Variants in TRAM2 observed in about 807,000 individuals in gnomAD.
TRAM2 encodes translocating chain-associated membrane protein 2.
Under a neutral mutation model 51.0 loss-of-function variants are expected in TRAM2, and 12 were observed. The observed-to-expected ratio is 0.24, with a 90% CI of 0.15 to 0.38. TRAM2 has a LOEUF of 0.38. TRAM2 is among the 10% of genes least tolerant of loss of function. TRAM2 has a pLI of 1.00. For missense variants in TRAM2, 361 were observed against 462.0 expected (o/e 0.78, Z 2.00); for synonymous variants, 175 against 179.4 (o/e 0.98, Z 0.20).
Position 52,503,007 on chromosome 6 carries a change from G to T in TRAM2, c.*190C>A. On this transcript the variant is annotated 3_prime_UTR_variant, in exon 11 of 11. Transcript: ENST00000182527. The stretch of plus-strand genomic sequence containing the variant: ...AAAGATTTTTGGCTTTATTGAGAAT[G>T]GTTTGTGGAAGAATAAGAGGAAGCC... The T allele has an allele frequency of 1.6e-6, 1 of 625,826 alleles. No individual in the cohort carries two copies. The highest frequency in any genetic ancestry group is 2.8e-6 in the Non-Finnish European group (1 of 352,870). 38.8% of individuals were successfully genotyped at this position (625,826 alleles called of 1,614,324 possible).
chr6:52,565,517 T>A (rs1417421456), intron 1 of TRAM2, among the ~76,000 whole-genome samples: 1 of 152,090 alleles, frequency 6.6e-6, no homozygotes, highest in Non-Finnish European at 1.5e-5. Context: ...CTAATACAAT[T>A]GTGGTGTCAC....
chr6:52,532,355 C>CATCCCCTGTA, intron 2 of TRAM2, among the ~76,000 whole-genome samples: 1 of 152,212 alleles, frequency 6.6e-6, no homozygotes, highest in East Asian at 1.9e-4. Flanking sequence ...AAGTTGACTT[C>CATCCCCTGTA]AGGGAGAAAT....
intron 10 of TRAM2, among the ~76,000 whole-genome samples, chr6:52,503,913 G>C (rs534360223): frequency 2.6e-5 from 4 of 152,266 alleles, no homozygotes; most frequent in Admixed American, 2.0e-4. Context: ...CCAGCTGCGC[G>C]CGTGTCTGGT....
At chr6:52,542,403 T>C (rs924936558) in intron 1 of TRAM2, among the ~76,000 whole-genome samples, 4 of 152,108 alleles carry the variant, frequency 2.6e-5, no homozygotes, top group Non-Finnish European at 2.9e-5. Flanking sequence ...CACTGCTCGA[T>C]AAAAGGCAGA....
At chr6:52,558,306 C>T (rs1027491222) in intron 1 of TRAM2, among the ~76,000 whole-genome samples, 1 of 152,094 alleles carries the variant, frequency 6.6e-6, no homozygotes, top group African/African-American at 2.4e-5. Flanking sequence ...GGCCCAAAAG[C>T]CCCCCACGTC....
intron 1 of TRAM2, among the ~76,000 whole-genome samples, chr6:52,557,481 C>T (rs1767430165): frequency 6.6e-6 from 1 of 152,166 alleles, no homozygotes; most frequent in Non-Finnish European, 1.5e-5. Flanking sequence ...GACAAGGAAA[C>T]GGCCACAGTT....
chr6:52,527,766 A>T (rs1766810665), intron 2 of TRAM2, among the ~76,000 whole-genome samples: 1 of 152,254 alleles, frequency 6.6e-6, no homozygotes, highest in African/African-American at 2.4e-5. Context: ...GCTGCGTCTG[A>T]AGAAGACACT....
chr6:52,506,223 G>C (rs1766347754), intron 7 of TRAM2, 87 bp from the exon 8 acceptor site: 1 of 1,248,796 alleles, frequency 8.0e-7, no homozygotes, highest in East Asian at 2.3e-5. Context: ...GCTGTCCCCT[G>C]TGCCTGGCTG....
In TRAM2 at chr6:52,504,163, G is replaced by A. The variant is rs377526373; in HGVS notation, c.1039+428C>T. On this transcript the variant is annotated intron_variant, in intron 10 of 10. Coordinates refer to ENST00000182527, the MANE Select transcript of TRAM2 (RefSeq NM_012288.4). ...CTGTGAGTCATTCTTGGAGACAGAG[G>A]AGGAGCCAGCAAGCTGGGAGGCAGG... Among the ~76,000 whole-genome samples, 21 of 152,228 alleles carry A rather than the reference G, an allele frequency of 1.4e-4. 1 individual carries two copies. Among genetic ancestry groups the A allele is most frequent in the East Asian group, 1.3e-3 (7 of 5,192 alleles).
chr6:52,566,555 T>A (rs1482631326), intron 1 of TRAM2, among the ~76,000 whole-genome samples: 1 of 152,036 alleles, frequency 6.6e-6, no homozygotes, highest in Admixed American at 6.5e-5. Flanking sequence ...TTCCTAACAG[T>A]CTTTAAAGGC....
chr6:52,573,920 C>T (rs1263587480), intron 1 of TRAM2, among the ~76,000 whole-genome samples: 1 of 152,164 alleles, frequency 6.6e-6, no homozygotes, highest in Non-Finnish European at 1.5e-5. Flanking sequence ...GGAGGAATGG[C>T]CAAGAGAGTC....
At chr6:52,557,132 G>A (rs2114101061) in intron 1 of TRAM2, among the ~76,000 whole-genome samples, 1 of 150,966 alleles carries the variant, frequency 6.6e-6, no homozygotes, top group South Asian at 2.1e-4. Context: ...GGCGGAGGCT[G>A]CAGTGAGCCA....
chr6:52,553,528 T>C (rs1324706921), intron 1 of TRAM2, among the ~76,000 whole-genome samples: 1 of 152,192 alleles, frequency 6.6e-6, no homozygotes, highest in Non-Finnish European at 1.5e-5. Flanking sequence ...TTGGCTTTCC[T>C]TTGAGAGCCT....
chr6:52,506,669 A>G (rs559496281), intron 7 of TRAM2, among the ~76,000 whole-genome samples: 1 of 152,160 alleles, frequency 6.6e-6, no homozygotes, highest in Non-Finnish European at 1.5e-5. Context: ...CCCGTTATGC[A>G]TGTGACACAT....
intron 1 of TRAM2, among the ~76,000 whole-genome samples, chr6:52,541,803 G>GTTTTTTTTTTTTTT (rs56919932): frequency 0.011 from 1,496 of 138,180 alleles, 33 homozygotes; most frequent in Non-Finnish European, 0.018. Flanking sequence ...AGTTTATTCT[G>GTTTTTTTTTTTTTT]TTTTTTTTTT....
intron 4 of TRAM2, among the ~76,000 whole-genome samples, chr6:52,513,278 AT>A (rs1766485660): frequency 6.6e-6 from 1 of 152,196 alleles, no homozygotes; most frequent in African/African-American, 2.4e-5. Flanking sequence ...CATTTATGAT[AT>A]TTATTAAAAC....
chr6:52,575,155 G>A (rs771484131), intron 1 of TRAM2, among the ~76,000 whole-genome samples: 1 of 152,234 alleles, frequency 6.6e-6, no homozygotes, highest in Non-Finnish European at 1.5e-5. Flanking sequence ...ATGTTGGTAG[G>A]AGATGTTATG....
At chr6:52,556,961 A>G (rs2114100915) in intron 1 of TRAM2, among the ~76,000 whole-genome samples, 1 of 150,832 alleles carries the variant, frequency 6.6e-6, no homozygotes, top group African/African-American at 2.4e-5. Context: ...TGGGAGGCCG[A>G]GGTGGGCAGA....
chr6:52,505,980 G>T (rs930245645), intron 8 of TRAM2, 52 bp downstream of exon 8: 2 of 1,593,090 alleles, frequency 1.3e-6, no homozygotes, highest in Non-Finnish European at 1.7e-6. Context: ...GGGCCTCGGG[G>T]GAACCCCTGC....
Sources: allele counts gnomAD v4.1 joint callset (sites outside exome capture counted in the v4.1 genomes callset), GRCh38; gene constraint gnomAD v4.1.1; transcripts MANE v1.5; gene names NCBI Gene and HGNC (gene_info 2026-07-23, HGNC 2026-07-21).